The following RAB10 variants were observed in gnomAD, a reference collection of about 807,000 sequenced individuals.
RAB10 encodes RAB10, member RAS oncogene family.
In RAB10, 5 loss-of-function variants were observed where a neutral mutation model predicts 25.7. The observed-to-expected ratio is 0.19, with a 90% CI of 0.10 to 0.41. The LOEUF (loss-of-function observed/expected upper bound fraction) is 0.41, where lower values mean the gene tolerates loss of function less well. RAB10 is among the 10% of genes least tolerant of loss of function. The pLI, the probability that RAB10 is intolerant of heterozygous loss-of-function variation, is 1.00. For synonymous variants in RAB10, 89 were observed against 86.4 expected (o/e 1.03, Z -0.16); for missense variants, 103 against 245.8 (o/e 0.42, Z 3.89).
At chr2:26,080,310 A>C (rs1338087930) in intron 1 of RAB10, among the ~76,000 whole-genome samples, 1 of 152,230 alleles carries the variant, frequency 6.6e-6, no homozygotes, top group Non-Finnish European at 1.5e-5. Flanking sequence ...AGAATGAGAG[A>C]AACACCGAAT....
chr2:26,070,136 C>T (rs1666594356), intron 1 of RAB10, among the ~76,000 whole-genome samples: 1 of 152,208 alleles, frequency 6.6e-6, no homozygotes. Flanking sequence ...TTCTAGAGAT[C>T]CTTGGACTTG....
intron 1 of RAB10, among the ~76,000 whole-genome samples, chr2:26,096,240 T>G (rs945411364): frequency 4.5e-4 from 69 of 152,234 alleles, no homozygotes; most frequent in Non-Finnish European, 4.4e-5. Context: ...ACTGTCTTTT[T>G]ACTCCATTTA....
At chr2:26,035,604 A>G (rs1665748574) in intron 1 of RAB10, among the ~76,000 whole-genome samples, 1 of 152,226 alleles carries the variant, frequency 6.6e-6, no homozygotes, top group South Asian at 2.1e-4. Flanking sequence ...GAATCTGGTT[A>G]GAAAATTTAA....
At chr2:26,075,344 C>A (rs1666710073) in intron 1 of RAB10, among the ~76,000 whole-genome samples, 1 of 152,112 alleles carries the variant, frequency 6.6e-6, no homozygotes, top group Admixed American at 6.6e-5. Context: ...GTCCTTATCT[C>A]TTCCATTAAG....
chr2:26,051,200 G>A (rs1179174201), intron 1 of RAB10, among the ~76,000 whole-genome samples: 1 of 152,150 alleles, frequency 6.6e-6, no homozygotes, highest in Admixed American at 6.6e-5. Flanking sequence ...GCCTCCCAGA[G>A]TGCTGGGATT....
chr2:26,100,503 G>T lies in RAB10; in HGVS notation c.188+1781G>T, dbSNP rs546668850. ...TAAAAAAGAAGTGATACGTTTCTAGGAATTAAAAAGGTATATTTCCTTAAT... is the reference window on the plus strand; with the variant it reads ...TAAAAAAGAAGTGATACGTTTCTAGTAATTAAAAAGGTATATTTCCTTAAT... On this transcript the variant is annotated intron_variant, in intron 2 of 5. Coordinates refer to ENST00000264710, the MANE Select transcript of RAB10 (RefSeq NM_016131.5). Among the ~76,000 whole-genome samples the T allele has an allele frequency of 4.3e-4, 65 of 152,160 alleles. 2 individuals carry two copies. In the South Asian group the frequency reaches 0.013, roughly 30 times the overall value.
chr2:26,133,485 C>T (rs188747507), intron 5 of RAB10, among the ~76,000 whole-genome samples: 1 of 152,002 alleles, frequency 6.6e-6, no homozygotes, highest in African/African-American at 2.4e-5. Context: ...CACAAGGGAG[C>T]CTTCTTGGGA....
At chr2:26,089,734 C>T (rs948855212) in intron 1 of RAB10, among the ~76,000 whole-genome samples, 8 of 152,172 alleles carry the variant, frequency 5.3e-5, no homozygotes, top group African/African-American at 1.9e-4. Flanking sequence ...TAGAAACACT[C>T]TTCTTGTTAT....
At chr2:26,119,588 C>T (rs2149287200) in intron 3 of RAB10, among the ~76,000 whole-genome samples, 1 of 151,722 alleles carries the variant, frequency 6.6e-6, no homozygotes, top group African/African-American at 2.4e-5. Context: ...GTGGCACAAT[C>T]ACAGCTTACT....
intron 1 of RAB10, among the ~76,000 whole-genome samples, chr2:26,045,362 C>T (rs991102717): frequency 6.6e-6 from 1 of 152,046 alleles, no homozygotes; most frequent in Non-Finnish European, 1.5e-5. Flanking sequence ...GCCTCAGCCT[C>T]CTGAGTAGCT....
chr2:26,051,231 C>T (rs1666125909), intron 1 of RAB10, among the ~76,000 whole-genome samples: 1 of 152,066 alleles, frequency 6.6e-6, no homozygotes, highest in Admixed American at 6.6e-5. Flanking sequence ...GCCACCATGC[C>T]TGGCATAAAT....
intron 1 of RAB10, among the ~76,000 whole-genome samples, chr2:26,097,242 A>G (rs1242001179): frequency 1.3e-5 from 2 of 152,036 alleles, no homozygotes; most frequent in Non-Finnish European, 2.9e-5. Context: ...AAACCAGAAA[A>G]TGAAAACATA....
At chr2:26,110,217 C>T (rs1215504296) in intron 3 of RAB10, among the ~76,000 whole-genome samples, 3 of 151,630 alleles carry the variant, frequency 2.0e-5, no homozygotes, top group Middle Eastern at 3.4e-3. Context: ...GTGCACCTGT[C>T]GTCCCAGCTA....
intron 5 of RAB10, 41 bp downstream of exon 5, chr2:26,127,992 C>A: frequency 6.9e-7 from 1 of 1,450,132 alleles, no homozygotes; most frequent in Admixed American, 1.7e-5. Flanking sequence ...ACCTGAGTAT[C>A]TCTGTTGAAT....
intron 1 of RAB10, among the ~76,000 whole-genome samples, chr2:26,084,740 C>T (rs985617773): frequency 2.7e-5 from 4 of 148,430 alleles, no homozygotes; most frequent in African/African-American, 7.5e-5. Context: ...CCCTTTTCAT[C>T]GAGTTACCTT....
intron 1 of RAB10, among the ~76,000 whole-genome samples, chr2:26,048,346 T>C (rs1294945110): frequency 1.3e-5 from 2 of 152,214 alleles, no homozygotes; most frequent in African/African-American, 2.4e-5. Flanking sequence ...ATGAGTGCAC[T>C]TTCTCTGCAT....
rs189179565 is a variant in RAB10 at position 26,113,014 on chromosome 2, G to A, written c.327+3108G>A. On this transcript the variant is annotated intron_variant, in intron 3 of 5. Transcript: ENST00000264710. Reference sequence around the variant, plus strand: ...GGAGAATCACTTGAACCCAGGAGGCGGAGGAGGTTGCAGTGAGCCAAGATT... The same window carrying A: ...GGAGAATCACTTGAACCCAGGAGGCAGAGGAGGTTGCAGTGAGCCAAGATT... 4.2e-3 allele frequency among the ~76,000 whole-genome samples: 642 copies of A among 152,080 alleles called. 3 individuals are homozygous for A. The highest frequency in any genetic ancestry group is 0.015 in the African/African-American group (622 of 41,494).
intron 3 of RAB10, 30 bp downstream of exon 3, chr2:26,109,936 ATGAACACACATT>A: frequency 6.5e-7 from 1 of 1,527,670 alleles, no homozygotes; most frequent in Non-Finnish European, 8.8e-7. Context: ...TAAACCCTTC[ATGAACACACATT>A]TGTGTGCTTG....
chr2:26,115,758 AT>A (rs1334294728), intron 3 of RAB10, among the ~76,000 whole-genome samples: 2 of 152,040 alleles, frequency 1.3e-5, no homozygotes, highest in African/African-American at 4.8e-5. Flanking sequence ...CAAAACTGTT[AT>A]TTTTTTAAAA....
Sources: allele counts gnomAD v4.1 joint callset (sites outside exome capture counted in the v4.1 genomes callset), GRCh38; gene constraint gnomAD v4.1.1; transcripts MANE v1.5; gene names NCBI Gene and HGNC (gene_info 2026-07-23, HGNC 2026-07-21).